Variants in ATP8A2 observed in about 807,000 individuals in gnomAD.
The protein encoded by ATP8A2 is ATPase phospholipid transporting 8A2, also known as phospholipid-transporting ATPase IB.
In ATP8A2, 100 loss-of-function variants were observed where a neutral mutation model predicts 165.6. That is an observed-to-expected ratio of 0.60 (90% CI 0.51 to 0.71). ATP8A2 has a LOEUF of 0.71. ATP8A2 is among the 30% of genes least tolerant of loss of function. The probability of loss-of-function intolerance (pLI) is 0.00; values close to 1 mark genes in which losing one functional copy is unlikely to be tolerated. For synonymous variants in ATP8A2, 543 were observed against 548.8 expected (o/e 0.99, Z 0.15); for missense variants, 1,227 against 1,479.5 (o/e 0.83, Z 2.80).
intron 27 of ATP8A2, among the ~76,000 whole-genome samples, chr13:25,787,719 C>T (rs1216887420): frequency 6.6e-6 from 1 of 152,220 alleles, no homozygotes; most frequent in African/African-American, 2.4e-5. Context: ...GGCCGGGCCT[C>T]TCTGCCTCAG....
intron 24 of ATP8A2, among the ~76,000 whole-genome samples, chr13:25,638,477 C>T (rs547955368): frequency 2.4e-4 from 36 of 152,138 alleles, no homozygotes; most frequent in African/African-American, 6.7e-4. Flanking sequence ...CTTCAGTAGC[C>T]GATTCGATCA....
intron 2 of ATP8A2, among the ~76,000 whole-genome samples, chr13:25,519,452 A>G (rs947597339): frequency 1.3e-5 from 2 of 151,728 alleles, no homozygotes; most frequent in African/African-American, 2.4e-5. Flanking sequence ...GGTTCCCTTT[A>G]GTATCTCCGG....
At chr13:25,725,493 A>G (rs1195952100) in intron 25 of ATP8A2, among the ~76,000 whole-genome samples, 1 of 152,228 alleles carries the variant, frequency 6.6e-6, no homozygotes, top group African/African-American at 2.4e-5. Flanking sequence ...ACCGAAGATC[A>G]GCATCAAGGA....
At chr13:25,736,676 G>A (rs113950692) in intron 25 of ATP8A2, among the ~76,000 whole-genome samples, 1 of 152,192 alleles carries the variant, frequency 6.6e-6, no homozygotes, top group Non-Finnish European at 1.5e-5. Flanking sequence ...GTACATGAAT[G>A]AATGAATGTG....
intron 1 of ATP8A2, among the ~76,000 whole-genome samples, chr13:25,383,663 G>A (rs1031850532): frequency 7.9e-5 from 12 of 152,034 alleles, no homozygotes; most frequent in African/African-American, 2.9e-4. Context: ...TTACCTTTTT[G>A]AAATTATACA....
intron 17 of ATP8A2, 58 bp downstream of exon 17, chr13:25,570,930 CA>C: frequency 7.8e-7 from 1 of 1,284,534 alleles, no homozygotes. Context: ...CTGGGTGTTG[CA>C]GTTATTCTTG....
intron 25 of ATP8A2, among the ~76,000 whole-genome samples, chr13:25,766,118 G>T (rs1040744473): frequency 6.6e-6 from 1 of 152,182 alleles, no homozygotes; most frequent in African/African-American, 2.4e-5. Context: ...TGCATAAGAG[G>T]AGTTGCAGAT....
chr13:25,722,236 C>T (rs2043397468), intron 25 of ATP8A2, among the ~76,000 whole-genome samples: 1 of 152,182 alleles, frequency 6.6e-6, no homozygotes, highest in Non-Finnish European at 1.5e-5. Context: ...ACCCTCTGCT[C>T]CTTAGTAGCC....
chr13:25,576,428 G>C (rs2039620210), intron 19 of ATP8A2, among the ~76,000 whole-genome samples: 1 of 152,068 alleles, frequency 6.6e-6, no homozygotes, highest in African/African-American at 2.4e-5. Flanking sequence ...TGGGAGGGTT[G>C]GTGGGAGATG....
At chr13:25,950,713 T>G (rs1015791662) in intron 33 of ATP8A2, 1 of 152,198 alleles carries the variant, frequency 6.6e-6, no homozygotes, top group African/African-American at 2.4e-5. Context: ...GTTTAACTAG[T>G]CAAGGGCAAG....
intron 19 of ATP8A2, among the ~76,000 whole-genome samples, chr13:25,576,392 T>C (rs1030306226): frequency 1.3e-5 from 2 of 152,052 alleles, no homozygotes; most frequent in African/African-American, 4.8e-5. Context: ...GAGTCCCGTG[T>C]GTGCTCGAAG....
chr13:25,730,862 G>T (rs2043606019), intron 25 of ATP8A2, among the ~76,000 whole-genome samples: 1 of 151,998 alleles, frequency 6.6e-6, no homozygotes, highest in Non-Finnish European at 1.5e-5. Context: ...AATTACTTGA[G>T]ACCAGGAGTT....
At chr13:25,847,733 A>G (rs115949337) in intron 30 of ATP8A2, among the ~76,000 whole-genome samples, 1,817 of 152,218 alleles carry the variant, frequency 0.012, 40 homozygotes, top group African/African-American at 0.042. Flanking sequence ...TTCCTGATGC[A>G]CTGGCATTAG....
chr13:25,550,240 G>T (rs1424959929), intron 10 of ATP8A2, among the ~76,000 whole-genome samples: 5 of 152,144 alleles, frequency 3.3e-5, no homozygotes, highest in African/African-American at 1.2e-4. Flanking sequence ...AGGAGGCGGA[G>T]GTTGCAGTGA....
At chr13:25,495,624 CTTTTTTTTTT>C (rs11369713) in intron 2 of ATP8A2, among the ~76,000 whole-genome samples, 2 of 88,244 alleles carry the variant, frequency 2.3e-5, no homozygotes, top group African/African-American at 8.4e-5. Context: ...GCATGCCTTG[CTTTTTTTTTT>C]TTTTTTTTTT....
intron 33 of ATP8A2, among the ~76,000 whole-genome samples, chr13:25,930,901 C>T (rs905977774): frequency 6.6e-6 from 1 of 152,204 alleles, no homozygotes; most frequent in African/African-American, 2.4e-5. Flanking sequence ...GCCTTGCCGC[C>T]GGTGTTCCTT....
chr13:26,002,655 C>A (rs1324634888), intron 35 of ATP8A2, among the ~76,000 whole-genome samples: 1 of 151,800 alleles, frequency 6.6e-6, no homozygotes, highest in Non-Finnish European at 1.5e-5. Context: ...CCACTCTCAA[C>A]CCCAGCCTCT....
At position 25,748,438 on chromosome 13, in the gene ATP8A2, G is replaced by T. The variant is rs1029645816; in HGVS notation, c.2385-20608G>T. 2.2e-4 allele frequency among the ~76,000 whole-genome samples: 33 copies of T among 152,168 alleles called. 2 individuals carry two copies. Among genetic ancestry groups the T allele is most frequent in the Admixed American group, 2.1e-3 (32 of 15,276 alleles). ...AAGCTCTTTGGTTCGAGCATTGAATGACATGTTATGACATTTAAGGGGAAA... is the reference window on the plus strand; with the variant it reads ...AAGCTCTTTGGTTCGAGCATTGAATTACATGTTATGACATTTAAGGGGAAA... On this transcript the variant is annotated intron_variant, in intron 25 of 36. Transcript: ENST00000381655.
At chr13:25,431,502 C>A (rs991851438) in intron 1 of ATP8A2, among the ~76,000 whole-genome samples, 29 of 151,450 alleles carry the variant, frequency 1.9e-4, no homozygotes, top group African/African-American at 6.5e-4. Flanking sequence ...ACTTCGGCGG[C>A]GGGGGGGGAA....
Sources: allele counts gnomAD v4.1 joint callset (sites outside exome capture counted in the v4.1 genomes callset), GRCh38; gene constraint gnomAD v4.1.1; transcripts MANE v1.5; gene names NCBI Gene and HGNC (gene_info 2026-07-23, HGNC 2026-07-21).